UBQLN1: variants seen among roughly 807,000 people sequenced by gnomAD.
The protein encoded by UBQLN1 is ubiquilin-1.
A neutral mutation model predicts 65.4 loss-of-function variants in UBQLN1; 13 were observed. That is an observed-to-expected ratio of 0.20 (90% CI 0.13 to 0.32). The LOEUF (loss-of-function observed/expected upper bound fraction) is 0.32, where lower values mean the gene tolerates loss of function less well. Ranked by LOEUF, UBQLN1 falls within the 10% of genes least tolerant of loss-of-function variation. UBQLN1 has a pLI of 1.00. For synonymous variants in UBQLN1, 267 were observed against 247.8 expected, an observed-to-expected ratio of 1.08 and a Z score of -0.73; for missense variants, 561 against 724.0, an observed-to-expected ratio of 0.77 and a Z score of 2.58.
At chr9:83,684,889 T>C (rs988694952) in intron 2 of UBQLN1, among the ~76,000 whole-genome samples, 3 of 151,940 alleles carry the variant, frequency 2.0e-5, no homozygotes, top group Non-Finnish European at 4.4e-5. Context: ...ATGCCACTCA[T>C]TGCTTCTTTC....
Position 83,700,161 on chromosome 9 carries a change from T to C in UBQLN1, c.180+7339A>G, listed in dbSNP as rs1832287717. Among the ~76,000 whole-genome samples, 6 of 152,224 alleles carry C rather than the reference T, an allele frequency of 3.9e-5. No homozygotes were observed. The South Asian group carries it at 1.2e-3, about 32-fold the overall frequency. ...AAATGGATAGCTATTCATATCACTT[T>C]CTGTGCTCTGTGGTTCAGATGAGAA... On this transcript the variant is annotated intron_variant, in intron 1 of 10. Transcript: ENST00000376395.
chr9:83,689,613 T>C (rs1444557689), intron 1 of UBQLN1, among the ~76,000 whole-genome samples: 2 of 152,190 alleles, frequency 1.3e-5, no homozygotes, highest in Non-Finnish European at 2.9e-5. Flanking sequence ...TGTGACCACA[T>C]GCAATTAAAC....
intron 3 of UBQLN1, among the ~76,000 whole-genome samples, chr9:83,680,597 G>T (rs1038778541): frequency 6.6e-6 from 1 of 152,174 alleles, no homozygotes; most frequent in Non-Finnish European, 1.5e-5. Context: ...TAGGAGGGTT[G>T]TGCGCTGAGG....
chr9:83,663,147 G>A (rs1438936909), intron 10 of UBQLN1, among the ~76,000 whole-genome samples: 1 of 150,250 alleles, frequency 6.7e-6, no homozygotes, highest in Admixed American at 6.6e-5. Context: ...AAAGGGAAAA[G>A]GGAAAGGGGA....
chr9:83,676,267 T>C (rs1309143872), intron 6 of UBQLN1, among the ~76,000 whole-genome samples: 1 of 152,254 alleles, frequency 6.6e-6, no homozygotes, highest in African/African-American at 2.4e-5. Context: ...TTGTTTTCCC[T>C]TGATGGAAAT....
At chr9:83,686,207 C>A in intron 1 of UBQLN1, 52 bp from the exon 2 acceptor site, 3 of 1,274,840 alleles carry the variant, frequency 2.4e-6, no homozygotes, top group Non-Finnish European at 2.1e-6. Context: ...CAGCACCATA[C>A]AGTCTAGTTT....
intron 2 of UBQLN1, among the ~76,000 whole-genome samples, chr9:83,684,810 CAAAAAA>C (rs199680794): frequency 1.6e-5 from 1 of 64,204 alleles, no homozygotes; most frequent in African/African-American, 5.3e-5. Context: ...AATTCCGTCT[CAAAAAA>C]AAAAAAAAAA....
chr9:83,673,035 G>C (rs1360178087), intron 6 of UBQLN1, among the ~76,000 whole-genome samples: 1 of 152,202 alleles, frequency 6.6e-6, no homozygotes, highest in Non-Finnish European at 1.5e-5. Flanking sequence ...AGTTCAAGCA[G>C]CCTGGCCAAC....
chr9:83,674,217 C>G (rs996734554), intron 6 of UBQLN1, among the ~76,000 whole-genome samples: 9 of 151,642 alleles, frequency 5.9e-5, no homozygotes, highest in African/African-American at 2.2e-4. Flanking sequence ...ATATACCAAT[C>G]ATGCCAGAAC....
intron 1 of UBQLN1, among the ~76,000 whole-genome samples, chr9:83,703,846 G>T (rs1312313507): frequency 1.3e-5 from 2 of 152,154 alleles, no homozygotes; most frequent in African/African-American, 2.4e-5. Context: ...ACCTGTTTCT[G>T]CCTGTTGGTA....
chr9:83,703,697 G>C (rs1027950343), intron 1 of UBQLN1, among the ~76,000 whole-genome samples: 1 of 152,072 alleles, frequency 6.6e-6, no homozygotes, highest in Admixed American at 6.5e-5. Flanking sequence ...AAAAATTTAT[G>C]TTACTCAGTT....
chr9:83,668,552 C>A (rs1831679795), intron 7 of UBQLN1: 2 of 985,298 alleles, frequency 2.0e-6, no homozygotes, highest in African/African-American at 1.7e-5. Flanking sequence ...CCCCAACCAT[C>A]GGTACTGTCT....
At chr9:83,662,273 T>TACACAC (rs370539805) in intron 10 of UBQLN1, among the ~76,000 whole-genome samples, 2,029 of 143,380 alleles carry the variant, frequency 0.014, 23 homozygotes, top group East Asian at 0.034. Flanking sequence ...CATATACATA[T>TACACAC]ACACACACAC....
chr9:83,691,666 A>G (rs1181722879), intron 1 of UBQLN1, among the ~76,000 whole-genome samples: 1 of 152,184 alleles, frequency 6.6e-6, no homozygotes, highest in Non-Finnish European at 1.5e-5. Flanking sequence ...CACTCCTTAC[A>G]ACAAAACCTC....
intron 6 of UBQLN1, among the ~76,000 whole-genome samples, chr9:83,671,890 G>A (rs905762160): frequency 1.3e-5 from 2 of 152,150 alleles, no homozygotes; most frequent in Non-Finnish European, 2.9e-5. Flanking sequence ...CCAATAGAAG[G>A]CTGTTTTTCA....
chr9:83,700,877 G>GAGCC (rs1424586881), intron 1 of UBQLN1, among the ~76,000 whole-genome samples: 2 of 152,248 alleles, frequency 1.3e-5, no homozygotes, highest in East Asian at 3.9e-4. Flanking sequence ...GACCAACAGG[G>GAGCC]AGCCATTAGC....
chr9:83,696,272 T>A (rs1387740530), intron 1 of UBQLN1, among the ~76,000 whole-genome samples: 1 of 152,182 alleles, frequency 6.6e-6, no homozygotes, highest in African/African-American at 2.4e-5. Context: ...AGCTAATATA[T>A]CTATCACCTC....
intron 6 of UBQLN1, among the ~76,000 whole-genome samples, chr9:83,673,834 C>T (rs1200194911): frequency 6.6e-6 from 1 of 152,034 alleles, no homozygotes; most frequent in Non-Finnish European, 1.5e-5. Flanking sequence ...CAGGGTCTTG[C>T]TCTGTCTCCC....
intron 7 of UBQLN1, 134 bp from the exon 8 acceptor site, chr9:83,666,567 G>A: frequency 1.3e-6 from 1 of 758,094 alleles, no homozygotes; most frequent in Non-Finnish European, 2.1e-6. Flanking sequence ...AATAAAAAAA[G>A]GAAAAGGGAA....
Sources: gnomAD v4.1 joint callset for allele counts (sites outside exome capture counted in the v4.1 genomes callset) on GRCh38, gnomAD v4.1.1 for gene constraint, MANE v1.5 for transcripts, NCBI Gene and HGNC (gene_info 2026-07-23, HGNC 2026-07-21) for gene names.